The following COMMD1 variants were observed in gnomAD, a reference collection of about 807,000 sequenced individuals.
COMMD1 encodes the protein copper metabolism domain containing 1.
In COMMD1, 10 loss-of-function variants were observed where a neutral mutation model predicts 17.2. The ratio of observed to expected loss-of-function variants is 0.58; its 90% CI spans 0.36 to 0.99. The LOEUF (loss-of-function observed/expected upper bound fraction) is 0.99. COMMD1 is among the 50% of genes least tolerant of loss of function. The probability of loss-of-function intolerance (pLI) is 0.01; values close to 1 mark genes in which losing one functional copy is unlikely to be tolerated. For synonymous variants in COMMD1, 97 were observed against 91.6 expected (o/e 1.06, Z -0.34); for missense variants, 270 against 231.8 (o/e 1.17, Z -1.07).
At chr2:62,055,866 G>T (rs1044164732) in intron 2 of COMMD1, among the ~76,000 whole-genome samples, 4 of 152,228 alleles carry the variant, frequency 2.6e-5, no homozygotes, top group African/African-American at 9.6e-5. Flanking sequence ...GAGCATTAAT[G>T]AGTCACTGTG....
chr2:62,096,843 G>C (rs1672025304), intron 2 of COMMD1, among the ~76,000 whole-genome samples: 1 of 152,190 alleles, frequency 6.6e-6, no homozygotes, highest in Non-Finnish European at 1.5e-5. Context: ...TCTGCATTTT[G>C]GTAGGGAGGA....
intron 2 of COMMD1, among the ~76,000 whole-genome samples, chr2:62,012,801 A>ATG (rs1669323087): frequency 1.3e-5 from 2 of 152,192 alleles, no homozygotes; most frequent in African/African-American, 4.8e-5. Context: ...GCATCACTAT[A>ATG]TGTCAGACTC....
At chr2:62,099,573 CTTTT>C (rs1041648682) in intron 2 of COMMD1, among the ~76,000 whole-genome samples, 1 of 143,770 alleles carries the variant, frequency 7.0e-6, no homozygotes, top group East Asian at 2.0e-4. Context: ...CTATCTCTCT[CTTTT>C]TTTTTTTTTT....
intron 2 of COMMD1, among the ~76,000 whole-genome samples, chr2:62,036,809 C>A (rs1036202362): frequency 2.0e-5 from 3 of 152,170 alleles, no homozygotes; most frequent in African/African-American, 7.2e-5. Context: ...AATTTACTTT[C>A]TGTTTGGCCC....
chr2:62,056,610 G>A (rs1459940516), intron 2 of COMMD1, among the ~76,000 whole-genome samples: 1 of 152,228 alleles, frequency 6.6e-6, no homozygotes, highest in African/African-American at 2.4e-5. Context: ...TGAACATTAG[G>A]ATTTCTGACA....
chr2:62,068,992 G>A (rs1434662056), intron 2 of COMMD1, among the ~76,000 whole-genome samples: 1 of 151,958 alleles, frequency 6.6e-6, no homozygotes, highest in Admixed American at 6.6e-5. Flanking sequence ...CCTTTTTGGA[G>A]AATGAGAATA....
chr2:62,059,568 A>G (rs1428511322), intron 2 of COMMD1, among the ~76,000 whole-genome samples: 2 of 152,068 alleles, frequency 1.3e-5, no homozygotes, highest in Non-Finnish European at 2.9e-5. Flanking sequence ...ACATTACGCC[A>G]TAAGAAGCTT....
chr2:61,918,683 AATAT>A (rs1403109994), intron 1 of COMMD1: 1 of 152,184 alleles, frequency 6.6e-6, no homozygotes, highest in Non-Finnish European at 1.5e-5. Context: ...CTAAACCCCT[AATAT>A]GCTGAACCTT....
chr2:61,890,169 C>G (rs1162236468), intron 1 of COMMD1, among the ~76,000 whole-genome samples: 3 of 152,126 alleles, frequency 2.0e-5, no homozygotes, highest in Non-Finnish European at 2.9e-5. Context: ...AACAAATGTT[C>G]AAAGGTACTT....
At chr2:61,921,601 A>G (rs1319709857) in intron 1 of COMMD1, among the ~76,000 whole-genome samples, 16 of 151,922 alleles carry the variant, frequency 1.1e-4, no homozygotes, top group Non-Finnish European at 2.4e-4. Context: ...CTGCCACCAC[A>G]CCCAGCTAAT....
chr2:61,972,318 G>A (rs1212616432), intron 1 of COMMD1, among the ~76,000 whole-genome samples: 1 of 151,990 alleles, frequency 6.6e-6, no homozygotes, highest in African/African-American at 2.4e-5. Context: ...GTGTGGAGGT[G>A]GGAAACAAGA....
At chr2:61,895,982 C>A (rs114745021) in intron 1 of COMMD1, among the ~76,000 whole-genome samples, 1,733 of 152,254 alleles carry the variant, frequency 0.011, 38 homozygotes, top group African/African-American at 0.04. Flanking sequence ...GGACCCAGCT[C>A]CAACCCCATT....
chr2:61,936,452 C>T (rs989803014), intron 1 of COMMD1, among the ~76,000 whole-genome samples: 7 of 152,146 alleles, frequency 4.6e-5, no homozygotes, highest in African/African-American at 1.4e-4. Context: ...TATTAGAGTT[C>T]ATTATCAAAA....
chr2:62,063,868 A>AAAATAT (rs1298677997), intron 2 of COMMD1, among the ~76,000 whole-genome samples: 2 of 81,176 alleles, frequency 2.5e-5, no homozygotes, highest in African/African-American at 9.8e-5. Flanking sequence ...GTCTCTACAA[A>AAAATAT]ATATATATAT....
intron 1 of COMMD1, among the ~76,000 whole-genome samples, chr2:61,976,553 C>A (rs1382028355): frequency 6.6e-6 from 1 of 152,130 alleles, no homozygotes; most frequent in Non-Finnish European, 1.5e-5. Context: ...ATAGATGAAT[C>A]CACTATTTAT....
intron 1 of COMMD1, among the ~76,000 whole-genome samples, chr2:61,948,662 T>C (rs1387747746): frequency 6.6e-6 from 1 of 152,234 alleles, no homozygotes; most frequent in East Asian, 1.9e-4. Flanking sequence ...TTATCTGAAA[T>C]ATTTTTCTAG....
intron 1 of COMMD1, among the ~76,000 whole-genome samples, chr2:61,962,260 C>T (rs1671361229): frequency 6.6e-6 from 1 of 152,138 alleles, no homozygotes; most frequent in Non-Finnish European, 1.5e-5. Context: ...TGCCAGTGTT[C>T]TTGGAGCCTG....
chr2:62,025,234 CAAAT>C (rs896829619), intron 2 of COMMD1, among the ~76,000 whole-genome samples: 5 of 147,990 alleles, frequency 3.4e-5, no homozygotes, highest in Admixed American at 2.0e-4. Flanking sequence ...AACAAACAAA[CAAAT>C]AAAAAAAAAC....
At chr2:62,117,670 T>G (rs1030387320) in intron 2 of COMMD1, among the ~76,000 whole-genome samples, 16 of 152,362 alleles carry the variant, frequency 1.1e-4, no homozygotes, top group African/African-American at 3.8e-4. Flanking sequence ...TTTGTATGTG[T>G]GGAATAAATG....
Sources: allele counts gnomAD v4.1 joint callset (sites outside exome capture counted in the v4.1 genomes callset), GRCh38; gene constraint gnomAD v4.1.1; transcripts MANE v1.5; gene names NCBI Gene and HGNC (gene_info 2026-07-23, HGNC 2026-07-21).